Variants in CHN1 observed in about 807,000 individuals in gnomAD.
The protein encoded by CHN1 is chimerin 1, also known as N-chimaerin.
A neutral mutation model predicts 59.5 loss-of-function variants in CHN1; 37 were observed. The observed-to-expected ratio is 0.62, with a 90% confidence interval of 0.48 to 0.82. CHN1 has a LOEUF of 0.82. Ranked by LOEUF, CHN1 falls within the 40% of genes least tolerant of loss-of-function variation. The pLI, the probability that CHN1 is intolerant of heterozygous loss-of-function variation, is 0.00. For synonymous variants in CHN1, 206 were observed against 200.4 expected, an observed-to-expected ratio of 1.03 and a Z score of -0.24; for missense variants, 469 against 571.0, an observed-to-expected ratio of 0.82 and a Z score of 1.82.
chr2:174,945,648 T>C (rs1689805454), intron 2 of CHN1, among the ~76,000 whole-genome samples: 2 of 152,286 alleles, frequency 1.3e-5, no homozygotes, highest in South Asian at 2.1e-4. Flanking sequence ...TGGCTATATA[T>C]GTCTAAGTTT....
chr2:174,961,627 TA>T (rs1001420776), intron 1 of CHN1, among the ~76,000 whole-genome samples: 3 of 151,524 alleles, frequency 2.0e-5, no homozygotes, highest in Non-Finnish European at 2.9e-5. Flanking sequence ...AAAATAAAAT[TA>T]AAAAAATAAA....
chr2:174,990,692 G>A lies in CHN1; in HGVS notation c.19+14202C>T, dbSNP rs143520943. On this transcript the variant is annotated intron_variant, in intron 1 of 12. Coordinates refer to ENST00000409900, the MANE Select transcript of CHN1 (RefSeq NM_001822.7). Reference sequence around the variant, plus strand: ...TAACTTCAACTAAAAAAAATGAACCGACACGCCCAGAGAAGCATTTCTCTT... The same window carrying A: ...TAACTTCAACTAAAAAAAATGAACCAACACGCCCAGAGAAGCATTTCTCTT... Among the ~76,000 whole-genome samples the A allele has an allele frequency of 6.7e-3, 1,018 of 152,140 alleles. 16 individuals carry two copies. Among genetic ancestry groups the A allele is most frequent in the African/African-American group, 0.022 (930 of 41,496 alleles).
chr2:174,834,669 T>TA (rs926494889), intron 7 of CHN1, among the ~76,000 whole-genome samples: 1 of 152,072 alleles, frequency 6.6e-6, no homozygotes, highest in African/African-American at 2.4e-5. Context: ...CAACTGCTTT[T>TA]AAAAAAAACT....
intron 1 of CHN1, among the ~76,000 whole-genome samples, chr2:174,973,983 A>G (rs1690841409): frequency 6.6e-6 from 1 of 152,228 alleles, no homozygotes; most frequent in South Asian, 2.1e-4. Context: ...ATATGTAAAC[A>G]GAATACCTAG....
chr2:174,981,047 A>C (rs1691131430), intron 1 of CHN1, among the ~76,000 whole-genome samples: 1 of 152,156 alleles, frequency 6.6e-6, no homozygotes, highest in South Asian at 2.1e-4. Flanking sequence ...AGTATAATCC[A>C]CATTTAGCAA....
intron 6 of CHN1, among the ~76,000 whole-genome samples, chr2:174,871,949 A>G (rs1400135750): frequency 2.6e-5 from 4 of 152,170 alleles, no homozygotes; most frequent in Non-Finnish European, 5.9e-5. Flanking sequence ...TGAAGAAGAA[A>G]TGGAGATAAT....
At chr2:174,982,467 C>A (rs1280729863) in intron 1 of CHN1, among the ~76,000 whole-genome samples, 1 of 152,144 alleles carries the variant, frequency 6.6e-6, no homozygotes, top group Non-Finnish European at 1.5e-5. Context: ...CTGTTGTTTC[C>A]TGACTTTTTA....
At chr2:174,898,053 C>A (rs1301906372) in intron 5 of CHN1, among the ~76,000 whole-genome samples, 1 of 152,138 alleles carries the variant, frequency 6.6e-6, no homozygotes, top group Admixed American at 6.5e-5. Flanking sequence ...CTTCTTTTAC[C>A]TTACTGGTAG....
intron 1 of CHN1, among the ~76,000 whole-genome samples, chr2:174,952,959 T>A (rs78097919): frequency 0.027 from 4,103 of 152,278 alleles, 216 homozygotes; most frequent in African/African-American, 0.094. Flanking sequence ...AGCTTCTGGC[T>A]ACGCTGTGTG....
chr2:174,962,024 C>G (rs966737014), intron 1 of CHN1, among the ~76,000 whole-genome samples: 1 of 152,096 alleles, frequency 6.6e-6, no homozygotes, highest in Non-Finnish European at 1.5e-5. Flanking sequence ...CGGTGGCTCA[C>G]GCCTGTAATC....
chr2:174,838,326 C>T (rs940699883), intron 7 of CHN1, among the ~76,000 whole-genome samples: 3 of 152,042 alleles, frequency 2.0e-5, no homozygotes, highest in African/African-American at 7.2e-5. Context: ...CTCCTGACCT[C>T]AGGTGATCCA....
chr2:174,984,514 G>A (rs1691273113), intron 1 of CHN1, among the ~76,000 whole-genome samples: 1 of 151,888 alleles, frequency 6.6e-6, no homozygotes, highest in South Asian at 2.1e-4. Flanking sequence ...GACTACAGGT[G>A]TGTACCACCA....
intron 5 of CHN1, among the ~76,000 whole-genome samples, chr2:174,888,306 G>A (rs931435828): frequency 2.0e-5 from 3 of 152,132 alleles, no homozygotes; most frequent in Non-Finnish European, 2.9e-5. Context: ...ACAATTGAGA[G>A]CAGAAGCTGA....
At position 174,857,991 on chromosome 2, in the gene CHN1, G is replaced by A. The variant is rs1342399208; in HGVS notation, c.550-11034C>T. ...GACTCAGATTGATATTATTAGGAGT[G>A]TTTTCAGATTTTAAACTGCTATATG... On this transcript the variant is annotated intron_variant, in intron 6 of 12. Coordinates refer to ENST00000409900, the MANE Select transcript of CHN1 (RefSeq NM_001822.7). Among the ~76,000 whole-genome samples the A allele has an allele frequency of 2.6e-5, 4 of 152,026 alleles. No homozygotes were observed. In the East Asian group the frequency reaches 7.7e-4, roughly 29 times the overall value.
At chr2:174,972,497 T>C (rs1690790025) in intron 1 of CHN1, among the ~76,000 whole-genome samples, 1 of 152,232 alleles carries the variant, frequency 6.6e-6, no homozygotes, top group African/African-American at 2.4e-5. Context: ...CTTCCTGTAA[T>C]ATTTAGTCTA....
chr2:174,933,038 C>T (rs1432418909), intron 3 of CHN1, among the ~76,000 whole-genome samples: 1 of 152,100 alleles, frequency 6.6e-6, no homozygotes, highest in Non-Finnish European at 1.5e-5. Context: ...TAACTGCCAT[C>T]AATTGAGATC....
At chr2:174,898,756 T>G (rs1163309615) in intron 5 of CHN1, among the ~76,000 whole-genome samples, 1 of 152,174 alleles carries the variant, frequency 6.6e-6, no homozygotes, top group Non-Finnish European at 1.5e-5. Flanking sequence ...ACTATAAATT[T>G]TTTAAAAGGT....
At chr2:174,846,387 C>A (rs780068321) in intron 7 of CHN1, 8 of 1,546,382 alleles carry the variant, frequency 5.2e-6, no homozygotes, top group Non-Finnish European at 7.0e-6. Flanking sequence ...CCATGGTAGC[C>A]ATCCTCCTTT....
At chr2:174,966,991 T>C (rs183967699) in intron 1 of CHN1, among the ~76,000 whole-genome samples, 23 of 152,126 alleles carry the variant, frequency 1.5e-4, no homozygotes, top group South Asian at 8.3e-4. Context: ...CCCCAGAAAA[T>C]AGAATGCGCA....
Sources: gnomAD v4.1 joint callset for allele counts (sites outside exome capture counted in the v4.1 genomes callset) on GRCh38, gnomAD v4.1.1 for gene constraint, MANE v1.5 for transcripts, NCBI Gene and HGNC (gene_info 2026-07-23, HGNC 2026-07-21) for gene names.